DGKB: variants seen among roughly 807,000 people sequenced by gnomAD.
The protein encoded by DGKB is 90 kDa diacylglycerol kinase.
DGKB carries 67 observed loss-of-function variants against 114.3 expected under a neutral mutation model. The ratio of observed to expected loss-of-function variants is 0.59; its 90% CI spans 0.48 to 0.72. DGKB has a LOEUF of 0.72. DGKB is among the 30% of genes least tolerant of loss of function. DGKB has a pLI of 0.00. For synonymous variants in DGKB, 398 were observed against 323.1 expected, an observed-to-expected ratio of 1.23 and a Z score of -2.49; for missense variants, 907 against 975.2, an observed-to-expected ratio of 0.93 and a Z score of 0.93.
At chr7:14,388,832 C>A (rs1362152238) in intron 21 of DGKB, among the ~76,000 whole-genome samples, 5 of 152,134 alleles carry the variant, frequency 3.3e-5, no homozygotes, top group African/African-American at 1.2e-4. Flanking sequence ...GGAAAGAGCA[C>A]AGAGACAAAA....
At chr7:14,569,154 CTA>C (rs1798012506) in intron 20 of DGKB, among the ~76,000 whole-genome samples, 2 of 152,160 alleles carry the variant, frequency 1.3e-5, no homozygotes, top group Admixed American at 1.3e-4. Flanking sequence ...GGTAGAAGAT[CTA>C]TTGCTCTGAT....
intron 21 of DGKB, among the ~76,000 whole-genome samples, chr7:14,396,012 A>G (rs1822158671): frequency 6.6e-6 from 1 of 152,096 alleles, no homozygotes; most frequent in Non-Finnish European, 1.5e-5. Context: ...TGAGTCATCA[A>G]TATATGAATT....
At chr7:14,263,097 G>A (rs1165540858) in intron 23 of DGKB, among the ~76,000 whole-genome samples, 1 of 152,104 alleles carries the variant, frequency 6.6e-6, no homozygotes, top group Non-Finnish European at 1.5e-5. Context: ...ATGTTTTAAA[G>A]TAGGTAGGAC....
At chr7:14,861,912 G>A (rs1164513616) in intron 1 of DGKB, among the ~76,000 whole-genome samples, 3 of 151,926 alleles carry the variant, frequency 2.0e-5, no homozygotes, top group Non-Finnish European at 4.4e-5. Flanking sequence ...TGGAAATGCT[G>A]TTAGGAATAT....
chr7:14,664,791 C>G (rs1205190926), intron 13 of DGKB, among the ~76,000 whole-genome samples: 1 of 151,860 alleles, frequency 6.6e-6, no homozygotes, highest in South Asian at 2.1e-4. Flanking sequence ...TCTTTGGATG[C>G]TTCATCTAAT....
chr7:14,840,099 C>G (rs919931218), intron 2 of DGKB, among the ~76,000 whole-genome samples: 4 of 152,152 alleles, frequency 2.6e-5, no homozygotes, highest in African/African-American at 7.2e-5. Context: ...ACCCTTTTCT[C>G]TGCTTCTACT....
In DGKB at chr7:14,348,273, T is replaced by C. The variant is rs561722174; in HGVS notation, c.1836-2882A>G. 4.6e-5 allele frequency among the ~76,000 whole-genome samples: 7 copies of C among 152,196 alleles called. No homozygotes were observed. The South Asian group carries it at 1.2e-3, about 27-fold the overall frequency. ...TCATATAATAAGCAAATTTTGGCAT[T>C]TGAATTTCTCACTTAGATTCATCCA... On this transcript the variant is annotated intron_variant, in intron 21 of 25. Coordinates refer to ENST00000402815, the MANE Select transcript of DGKB (RefSeq NM_001350709.2).
chr7:14,813,438 A>G lies in DGKB; in HGVS notation c.70+27756T>C, dbSNP rs73052908. Reference sequence around the variant, plus strand: ...GTAATCTGCAGCACAACCTCAGGCTAGCGGAGTGTGCCTGAGAGCCACCAG... The same window carrying G: ...GTAATCTGCAGCACAACCTCAGGCTGGCGGAGTGTGCCTGAGAGCCACCAG... On this transcript the variant is annotated intron_variant, in intron 2 of 25. Coordinates refer to ENST00000402815, the MANE Select transcript of DGKB (RefSeq NM_001350709.2). 1.5e-3 allele frequency among the ~76,000 whole-genome samples: 232 copies of G among 152,318 alleles called. 1 individual carries two copies. In the Middle Eastern group the frequency reaches 0.02, roughly 13 times the overall value.
At chr7:14,757,623 A>T in intron 3 of DGKB, 32 bp downstream of exon 3, 1 of 1,274,554 alleles carries the variant, frequency 7.8e-7, no homozygotes, top group East Asian at 2.3e-5. Context: ...AAGCATATAT[A>T]CGAAACTGAT....
chr7:14,917,354 G>A (rs1784294074), intron 1 of DGKB, among the ~76,000 whole-genome samples: 1 of 151,906 alleles, frequency 6.6e-6, no homozygotes, highest in African/African-American at 2.4e-5. Flanking sequence ...AGATCTTAGA[G>A]CAATAAAATT....
chr7:14,681,090 A>G (rs1057356650), intron 12 of DGKB, among the ~76,000 whole-genome samples: 3 of 147,722 alleles, frequency 2.0e-5, no homozygotes, highest in Admixed American at 6.9e-5. Flanking sequence ...CAAAAATGAC[A>G]TATGTTTGTA....
intron 6 of DGKB, among the ~76,000 whole-genome samples, chr7:14,710,994 T>C (rs995554578): frequency 6.6e-6 from 1 of 152,042 alleles, no homozygotes; most frequent in East Asian, 1.9e-4. Context: ...GAAAAAGCCA[T>C]GCTTCCTTCT....
At chr7:14,771,246 A>T (rs1837356319) in intron 2 of DGKB, among the ~76,000 whole-genome samples, 1 of 152,194 alleles carries the variant, frequency 6.6e-6, no homozygotes, top group Non-Finnish European at 1.5e-5. Context: ...ACATGTAGAC[A>T]TATAGCTAAG....
At chr7:14,724,481 T>C (rs1279093445) in intron 5 of DGKB, among the ~76,000 whole-genome samples, 1 of 152,194 alleles carries the variant, frequency 6.6e-6, no homozygotes, top group African/African-American at 2.4e-5. Context: ...GTCCCTGATA[T>C]GAAACTGGGA....
intron 1 of DGKB, among the ~76,000 whole-genome samples, chr7:14,938,616 CTT>C (rs71004343): frequency 3.4e-5 from 5 of 147,506 alleles, no homozygotes; most frequent in South Asian, 2.2e-4. Context: ...TTCTTTCTTT[CTT>C]TTTTTTTTTA....
At chr7:14,263,979 T>C (rs1185925985) in intron 23 of DGKB, among the ~76,000 whole-genome samples, 2 of 152,158 alleles carry the variant, frequency 1.3e-5, no homozygotes, top group Non-Finnish European at 2.9e-5. Flanking sequence ...TTTGCGGAAA[T>C]ATCAAGATTT....
intron 23 of DGKB, among the ~76,000 whole-genome samples, chr7:14,193,691 C>G (rs1784624053): frequency 6.6e-6 from 1 of 152,020 alleles, no homozygotes; most frequent in Non-Finnish European, 1.5e-5. Flanking sequence ...CAAAAAGAGA[C>G]AAATGGAGTT....
chr7:14,425,088 A>T (rs938323039), intron 21 of DGKB, among the ~76,000 whole-genome samples: 1 of 152,140 alleles, frequency 6.6e-6, no homozygotes, highest in African/African-American at 2.4e-5. Context: ...TATCCCAGAA[A>T]TTATATAATT....
rs947295202 is a variant in DGKB, at chr7:14,787,334, G to A, written c.71-29603C>T. On this transcript the variant is annotated intron_variant, in intron 2 of 25. Transcript: ENST00000402815. ...ATTTAGAAATAAAGCTAAGTTCAGAGTCCTACTTATTACACAGAAATCTGC... is the reference window on the plus strand; with the variant it reads ...ATTTAGAAATAAAGCTAAGTTCAGAATCCTACTTATTACACAGAAATCTGC... Among the ~76,000 whole-genome samples the A allele has an allele frequency of 5.3e-5, 8 of 152,272 alleles. No homozygotes were observed. The East Asian group carries it at 1.5e-3, about 29-fold the overall frequency.
Sources: allele counts gnomAD v4.1 joint callset (sites outside exome capture counted in the v4.1 genomes callset), GRCh38; gene constraint gnomAD v4.1.1; transcripts MANE v1.5; gene names NCBI Gene and HGNC (gene_info 2026-07-23, HGNC 2026-07-21).